HLA-F: variants seen among roughly 807,000 people sequenced by gnomAD.
HLA-F encodes HLA class I histocompatibility antigen, alpha chain F.
A neutral mutation model predicts 49.5 loss-of-function variants in HLA-F; 46 were observed. The ratio of observed to expected loss-of-function variants is 0.93; its 90% CI spans 0.73 to 1.19. The LOEUF is 1.19. Among genes scored for constraint, HLA-F ranks in the 50% most tolerant of loss-of-function variants. The pLI is 0.00. For synonymous variants in HLA-F, 203 were observed against 233.5 expected (o/e 0.87, Z 1.19); for missense variants, 496 against 579.6 (o/e 0.86, Z 1.48).
At chr6:29,728,194 A>G, downstream of HLA-F, 1 of 416,694 alleles carries the variant, frequency 2.4e-6, no homozygotes, top group South Asian at 1.7e-5. Context: ...CAAGATTGCC[A>G]AGGGTAAGGA....
chr6:29,730,384 T>C (rs966225472), downstream of HLA-F, among the ~76,000 whole-genome samples: 3 of 151,978 alleles, frequency 2.0e-5, no homozygotes, highest in Non-Finnish European at 4.4e-5. Flanking sequence ...TTACCAGAAA[T>C]TGAGGGTAGG....
intron 3 of HLA-F, chr6:29,736,834 T>C (rs1379686315): frequency 6.4e-6 from 1 of 155,902 alleles, no homozygotes; most frequent in Non-Finnish European, 1.4e-5. Context: ...TTGATAGACA[T>C]TTGTGTTGTA....
At chr6:29,736,344 C>T (rs991469466) in intron 3 of HLA-F, 3 of 443,544 alleles carry the variant, frequency 6.8e-6, no homozygotes, top group Non-Finnish European at 1.3e-5. Context: ...TGTAGATTCT[C>T]CTCTTAATGT....
At position 29,723,451 on chromosome 6, in the gene HLA-F, G is replaced by T; in HGVS notation, c.-13G>T. The T allele has an allele frequency of 6.2e-7, 1 of 1,613,320 alleles. No individual in the cohort carries two copies. Among genetic ancestry groups the T allele is most frequent in the Admixed American group, 1.7e-5 (1 of 59,852 alleles). On this transcript the variant is annotated 5_prime_UTR_variant, in exon 1 of 7. Coordinates refer to ENST00000259951, the MANE Select transcript of HLA-F (RefSeq NM_001098479.2). ...CGGGACTCATATTTTTCCCAGACGC[G>T]GAGGTTGGGGTCATGGCGCCCCGAA... is the stretch of plus-strand genomic sequence containing the variant.
downstream of HLA-F, among the ~76,000 whole-genome samples, chr6:29,730,129 A>G (rs1776444758): frequency 6.6e-6 from 1 of 152,226 alleles, no homozygotes; most frequent in Non-Finnish European, 1.5e-5. Flanking sequence ...TCGTAGCAGC[A>G]CTATTCCCAA....
chr6:29,725,612 G>A, intron 5 of HLA-F, 49 bp downstream of exon 5: 1 of 1,466,046 alleles, frequency 6.8e-7, no homozygotes, highest in Non-Finnish European at 9.5e-7. Context: ...CCCACTGGGG[G>A]TTGCAAGCCC....
intron 6 of HLA-F, 134 bp from the exon 7 acceptor site, chr6:29,726,749 C>G (rs917411750): frequency 8.2e-7 from 1 of 1,216,756 alleles, no homozygotes; most frequent in Non-Finnish European, 1.2e-6. Context: ...CTCTCTCCAT[C>G]AGACTGAATC....
At chr6:29,728,178 C>G, downstream of HLA-F, 1 of 450,246 alleles carries the variant, frequency 2.2e-6, no homozygotes, top group South Asian at 1.6e-5. Context: ...TATCCAGCCC[C>G]AATACCAAGA....
At chr6:29,726,412 G>A (rs1776087026) in intron 6 of HLA-F, 1 of 1,611,782 alleles carries the variant, frequency 6.2e-7, no homozygotes, top group Admixed American at 1.7e-5. Flanking sequence ...GTGTGAGACA[G>A]CTTCCTTGTG....
chr6:29,727,897 C>A (rs1283632108), downstream of HLA-F: 14 of 505,226 alleles, frequency 2.8e-5, no homozygotes, highest in South Asian at 1.6e-4. Flanking sequence ...AGACTCCCTT[C>A]CTGTCTTCTC....
downstream of HLA-F, among the ~76,000 whole-genome samples, chr6:29,727,611 C>A (rs372444464): frequency 4.5e-4 from 68 of 152,266 alleles, 1 homozygote; most frequent in South Asian, 6.2e-3. Flanking sequence ...CATTTGGCAG[C>A]AATGTTTACA....
rs531915649 is a variant in HLA-F at position 29,723,764 on chromosome 6, C to G, written c.171C>G (p.Phe57Leu). 2 of 1,611,204 alleles carry G rather than the reference C, an allele frequency of 1.2e-6. No individual in the cohort carries two copies. The highest frequency in any genetic ancestry group is 1.3e-5 in the African/African-American group (1 of 75,030). The change falls in exon 2 of 7, where the codon TTC (phenylalanine) becomes TTG (leucine). Residue 57 changes from phenylalanine to leucine, a missense_variant. Transcript: ENST00000259951. The stretch of plus-strand genomic sequence containing the variant: ...TAGACGACACGCAATTCCTGCGGTT[C>G]GACAGCGACGCCGCGATTCCGAGGA... ...EYVDDTQFLR[F>L]DSDAAIPRME...
rs774499218 is a variant in HLA-F at position 29,725,459 on chromosome 6, A to C, written c.899A>C (p.Gln300Pro). The change falls in exon 5 of 7, where the codon CAG becomes CCG. Residue 300 changes from glutamine (Q) to proline (P), a missense_variant. Transcript: ENST00000259951. Reference protein sequence around the residue: ...PLILRWEQSPQPTIPIVGIVA... With the variant: ...PLILRWEQSPPPTIPIVGIVA... ...CTTCCTTTCCCAGAGCAGTCTCCCCAGCCCACCATCCCCATCGTGGGCATC... is the reference window on the plus strand; with the variant it reads ...CTTCCTTTCCCAGAGCAGTCTCCCCCGCCCACCATCCCCATCGTGGGCATC... 3 of 1,613,952 alleles carry C rather than the reference A, an allele frequency of 1.9e-6. No homozygotes were observed. Among genetic ancestry groups the C allele is most frequent in the Non-Finnish European group, 2.5e-6 (3 of 1,179,890 alleles).
At chr6:29,736,246 G>A (rs1777089469) in intron 3 of HLA-F, 12 of 365,260 alleles carry the variant, frequency 3.3e-5, no homozygotes, top group South Asian at 2.6e-4. Flanking sequence ...CCTTGCATGG[G>A]CCTTTTTGGG....
Position 29,726,024 on chromosome 6 carries a change from G to T in HLA-F, c.1017G>T (p.Gly339=). 6.2e-7 allele frequency: 1 copy of T among 1,614,122 alleles called. No homozygotes were observed. Among genetic ancestry groups the T allele is most frequent in the Non-Finnish European group, 8.5e-7 (1 of 1,179,946 alleles). The part of the protein sequence containing the change: ...WRKKSSDRNR[G]SYSQAAAYSV... ...TTCTTCCCATAGATAGAAACAGAGG[G>T]AGCTACTCTCAGGCTGCAGGTAAGA... Residue 339 remains glycine, a synonymous_variant, in exon 6 of 7, where the codon GGG becomes GGT. Transcript: ENST00000259951.
chr6:29,728,488 G>T (rs749005889), downstream of HLA-F: 15 of 171,790 alleles, frequency 8.7e-5, no homozygotes, highest in Non-Finnish European at 1.5e-4. Flanking sequence ...CCAACAGGCC[G>T]CAATCCTCTG....
At position 29,723,652 on chromosome 6, in the gene HLA-F, C is replaced by T. The variant is rs1389493603; in HGVS notation, c.65-6C>T. ...CTGGCGGGTCTCAGCCCCTCCTCGCCCCCAGGCTCCCACTCCTTGAGGTAT... is the reference window on the plus strand; with the variant it reads ...CTGGCGGGTCTCAGCCCCTCCTCGCTCCCAGGCTCCCACTCCTTGAGGTAT... On this transcript the variant is annotated splice_polypyrimidine_tract_variant and splice_region_variant and intron_variant, in intron 1 of 6. Coordinates refer to ENST00000259951, the MANE Select transcript of HLA-F (RefSeq NM_001098479.2). 1.2e-6 allele frequency: 2 copies of T among 1,606,878 alleles called. No individual in the cohort carries two copies. The highest frequency in any genetic ancestry group is 1.7e-6 in the Non-Finnish European group (2 of 1,176,868).
downstream of HLA-F, among the ~76,000 whole-genome samples, chr6:29,731,478 A>G (rs1045305493): frequency 6.6e-6 from 1 of 152,152 alleles, no homozygotes; most frequent in Non-Finnish European, 1.5e-5. Flanking sequence ...CAAAGACCAT[A>G]CAACCTGGAG....
downstream of HLA-F, among the ~76,000 whole-genome samples, chr6:29,729,665 AC>A (rs1434430156): frequency 6.6e-6 from 1 of 152,188 alleles, no homozygotes; most frequent in Non-Finnish European, 1.5e-5. Flanking sequence ...AAATTTAAAA[AC>A]CTTTTTTATA....
Sources: gnomAD v4.1 joint callset for allele counts (sites outside exome capture counted in the v4.1 genomes callset) on GRCh38, gnomAD v4.1.1 for gene constraint, MANE v1.5 for transcripts, NCBI Gene and HGNC (gene_info 2026-07-23, HGNC 2026-07-21) for gene names.